The following RPTN variants were observed in gnomAD, a reference collection of about 807,000 sequenced individuals.
The protein encoded by RPTN is repetin, also known as intermediate filament-associated protein.
Under a neutral mutation model 3.6 loss-of-function variants are expected in RPTN, and 4 were observed. The observed-to-expected ratio is 1.12, with a 90% confidence interval of 0.55 to 2.55. The LOEUF is 2.55. Among genes scored for constraint, RPTN ranks in the 30% most tolerant of loss-of-function variants. RPTN has a pLI of 0.02. For synonymous variants in RPTN, 293 were observed against 319.3 expected (o/e 0.92, Z 0.88); for missense variants, 860 against 916.7 (o/e 0.94, Z 0.80).
At position 152,157,645 on chromosome 1, in the gene RPTN, T is replaced by C; in HGVS notation, c.138+107A>G. 3 of 1,195,796 alleles carry C rather than the reference T, an allele frequency of 2.5e-6. No homozygotes were observed. The South Asian group carries it at 4.2e-5, about 17-fold the overall frequency. The allele number at this position is 1,195,796 out of a possible 1,614,324, so 74.1% of individuals were successfully genotyped here. ...CTAAGGAGCTGCCTGAAATTCCTTT[T>C]CTTACAGGGCAGAGCAAGCCCAAAT... On this transcript the variant is annotated intron_variant, in intron 2 of 2. Coordinates refer to ENST00000316073, the MANE Select transcript of RPTN (RefSeq NM_001122965.1).
chr1:152,157,968 C>T, intron 1 of RPTN, 59 bp from the exon 2 acceptor site: 2 of 1,471,180 alleles, frequency 1.4e-6, no homozygotes, highest in Non-Finnish European at 1.9e-6. Flanking sequence ...GACAGCATTT[C>T]CAGAGGGAAA....
Position 152,155,834 on chromosome 1 carries a change from C to G in RPTN, c.1265G>C (p.Gly422Ala). 6.2e-7 allele frequency: 1 copy of G among 1,609,206 alleles called. No homozygotes were observed. Among genetic ancestry groups the G allele is most frequent in the East Asian group, 2.3e-5 (1 of 44,362 alleles). Residue 422 changes from glycine (G) to alanine (A), a missense_variant, in exon 3 of 3, where the codon GGC (glycine) becomes GCC (alanine). Coordinates refer to ENST00000316073, the MANE Select transcript of RPTN (RefSeq NM_001122965.1). Reference protein sequence around the residue: ...SSHYSQMDRQGQGSHYGQTDR... With the variant: ...SSHYSQMDRQAQGSHYGQTDR... ...TGTCTGACCGTAGTGAGAACCCTGGCCTTGTCGGTCCATCTGACTGTAGTG... is the reference window on the plus strand; with the variant it reads ...TGTCTGACCGTAGTGAGAACCCTGGGCTTGTCGGTCCATCTGACTGTAGTG...
rs1659141332 is a variant in RPTN at position 152,153,997 on chromosome 1, G to A, written c.*747C>T. On this transcript the variant is annotated 3_prime_UTR_variant, in exon 3 of 3. Transcript: ENST00000316073. ...GGAGCCAAAGCTCACCAAATCTAGG[G>A]TTCCTTGAGGAGTGGAGATGTAGTA... 6.6e-6 allele frequency: 1 copy of A among 152,306 alleles called. No individual in the cohort carries two copies. The highest frequency in any genetic ancestry group is 6.5e-5 in the Admixed American group (1 of 15,278). 9.4% of individuals were successfully genotyped at this position (152,306 alleles called of 1,614,324 possible). A position where few individuals can be genotyped will look rare whatever the true frequency, so the allele number is the denominator to read the frequency against.
In RPTN at chr1:152,155,523, G is replaced by C. The variant is rs1373195943; in HGVS notation, c.1576C>G (p.Pro526Ala). ...RQGQSFHYGQ[P>A]DRQGQSSHYS... is the part of the protein sequence containing the mutation. Reference sequence around the variant, plus strand: ...TGGGAACTCTGGCCTTGTCTGTCTGGCTGACCATAGTGGAAACTCTGGCCT... The same window carrying C: ...TGGGAACTCTGGCCTTGTCTGTCTGCCTGACCATAGTGGAAACTCTGGCCT... Residue 526 changes from proline to alanine, a missense_variant, in exon 3 of 3, where the codon CCA (proline) becomes GCA (alanine). Coordinates refer to ENST00000316073, the MANE Select transcript of RPTN (RefSeq NM_001122965.1). 24 of 1,500,668 alleles carry C rather than the reference G, an allele frequency of 1.6e-5. No homozygotes were observed. The South Asian group carries it at 2.7e-4, about 17-fold the overall frequency. The allele number at this position is 1,500,668 out of a possible 1,614,324, so 93.0% of individuals were successfully genotyped here.
Position 152,156,116 on chromosome 1 carries a change from C to T in RPTN, c.983G>A (p.Ser328Asn). 6 of 1,613,342 alleles carry T rather than the reference C, an allele frequency of 3.7e-6. No homozygotes were observed. Among genetic ancestry groups the T allele is most frequent in the Non-Finnish European group, 5.1e-6 (6 of 1,179,672 alleles). The change falls in exon 3 of 3, where the codon AGT (serine) becomes AAT (asparagine). Residue 328 changes from serine to asparagine, a missense_variant. By Grantham distance (46) the Ser-to-Asn change is conservative (BLOSUM62 1). Transcript: ENST00000316073. ...TCTGTCTGGCTGACTGTAGTGGGAACTCTGGCCTTGTCTGTCCGTCTGACT... is the reference window on the plus strand; with the variant it reads ...TCTGTCTGGCTGACTGTAGTGGGAATTCTGGCCTTGTCTGTCCGTCTGACT... ...HYSQTDRQGQ[S>N]SHYSQPDRQG...
In RPTN at chr1:152,155,727, C is replaced by T; in HGVS notation, c.1372G>A (p.Gly458Ser). Residue 458 changes from glycine to serine, a missense_variant, in exon 3 of 3, where the codon GGC becomes AGC. Coordinates refer to ENST00000316073, the MANE Select transcript of RPTN (RefSeq NM_001122965.1). The stretch of plus-strand genomic sequence containing the variant: ...GTCTGACCATAGTGGGAACTCTGGC[C>T]TTGTCTGTCTGTCTGACCATAGTGG... ...NSHYGQTDRQGQSSHYGQTDR... is the reference protein window; with the variant it reads ...NSHYGQTDRQSQSSHYGQTDR... 1 of 1,598,640 alleles carries T rather than the reference C, an allele frequency of 6.3e-7. No individual in the cohort carries two copies. Among genetic ancestry groups the T allele is most frequent in the East Asian group, 2.3e-5 (1 of 44,426 alleles).
In RPTN at chr1:152,154,475, G is replaced by A; in HGVS notation, c.*269C>T. 1.8e-6 allele frequency: 1 copy of A among 558,482 alleles called. No individual in the cohort carries two copies. Among genetic ancestry groups the A allele is most frequent in the Non-Finnish European group, 3.2e-6 (1 of 316,770 alleles). The allele number at this position is 558,482 out of a possible 1,614,324, so 34.6% of individuals were successfully genotyped here. A position where few individuals can be genotyped will look rare whatever the true frequency, so the allele number is the denominator to read the frequency against. Reference sequence around the variant, plus strand: ...ATAGTCATAGGGGGGGTTGGGAACAGTAGCTCCCTTGGCAGGGTGACCACG... The same window carrying A: ...ATAGTCATAGGGGGGGTTGGGAACAATAGCTCCCTTGGCAGGGTGACCACG... On this transcript the variant is annotated 3_prime_UTR_variant, in exon 3 of 3. Coordinates refer to ENST00000316073, the MANE Select transcript of RPTN (RefSeq NM_001122965.1).
intron 1 of RPTN, among the ~76,000 whole-genome samples, chr1:152,158,241 G>T (rs1659245010): frequency 6.6e-6 from 1 of 152,158 alleles, no homozygotes; most frequent in Non-Finnish European, 1.5e-5. Flanking sequence ...AGGAGGGGAG[G>T]CCAGGAAGCC....
chr1:152,156,079 A>G lies in RPTN; in HGVS notation c.1020T>C (p.Ser340=). The G allele has an allele frequency of 6.2e-7, 1 of 1,609,400 alleles. No individual in the cohort carries two copies. The highest frequency in any genetic ancestry group is 1.1e-5 in the South Asian group (1 of 90,928). Residue 340 remains serine (S), a synonymous_variant, in exon 3 of 3, where the codon AGT becomes AGC. Coordinates refer to ENST00000316073, the MANE Select transcript of RPTN (RefSeq NM_001122965.1). ...TTCTGTCCATTTGACCATAGTGGGAACTCTGACCTTGTCTGTCTGGCTGAC... is the reference window on the plus strand; with the variant it reads ...TTCTGTCCATTTGACCATAGTGGGAGCTCTGACCTTGTCTGTCTGGCTGAC... ...HYSQPDRQGQ[S]SHYGQMDRKG...
chr1:152,157,563 G>GTC lies in RPTN; in HGVS notation c.138+188_138+189insGA, dbSNP rs1659229588. Among the ~76,000 whole-genome samples the GTC allele has an allele frequency of 3.1e-5, 4 of 129,784 alleles. No individual in the cohort carries two copies. In the South Asian group the frequency reaches 9.0e-4, roughly 29 times the overall value. 85.1% of individuals were successfully genotyped at this position (129,784 alleles called of 152,430 possible). ...TTCAAATTCAGATACAAGGAGGTGT[G>GTC]TGTGTGTGTGTGTGTGTGTGTGTGT... On this transcript the variant is annotated intron_variant, in intron 2 of 2. Transcript: ENST00000316073.
Position 152,155,216 on chromosome 1 carries a change from C to T in RPTN, c.1883G>A (p.Gly628Glu). 1 of 1,614,196 alleles carries T rather than the reference C, an allele frequency of 6.2e-7. No homozygotes were observed. The highest frequency in any genetic ancestry group is 8.5e-7 in the Non-Finnish European group (1 of 1,180,030). Residue 628 changes from glycine to glutamate, a missense_variant, in exon 3 of 3, where the codon GGG becomes GAG. Physicochemically the swap from Gly to Glu is moderately conservative, Grantham distance 98 (BLOSUM62 -2). Coordinates refer to ENST00000316073, the MANE Select transcript of RPTN (RefSeq NM_001122965.1). ...RLSQQTPGQE[G>E]YQNQGQGFQS... ...GAATCCCTGTCCCTGGTTTTGGTACCCTTCCTGTCCTGGAGTCTGTTGACT... is the reference window on the plus strand; with the variant it reads ...GAATCCCTGTCCCTGGTTTTGGTACTCTTCCTGTCCTGGAGTCTGTTGACT...
chr1:152,153,913 A>G lies in RPTN; in HGVS notation c.*831T>C, dbSNP rs1424420847. 1 of 152,450 alleles carries G rather than the reference A, an allele frequency of 6.6e-6. No homozygotes were observed. Among genetic ancestry groups the G allele is most frequent in the African/African-American group, 2.4e-5 (1 of 41,438 alleles). 9.4% of individuals were successfully genotyped at this position (152,450 alleles called of 1,614,324 possible). On this transcript the variant is annotated 3_prime_UTR_variant, in exon 3 of 3. Coordinates refer to ENST00000316073, the MANE Select transcript of RPTN (RefSeq NM_001122965.1). ...GTTCTCGGCTCTTGTAGCAGCCTTG[A>G]ACTGAGTTTCATTCTAGTCTAGACT...
rs1659150843 is a variant in RPTN, at chr1:152,154,465, G to T, written c.*279C>A. The stretch of plus-strand genomic sequence containing the variant: ...GCTCTTGCACATAGTCATAGGGGGG[G>T]TTGGGAACAGTAGCTCCCTTGGCAG... On this transcript the variant is annotated 3_prime_UTR_variant, in exon 3 of 3. Coordinates refer to ENST00000316073, the MANE Select transcript of RPTN (RefSeq NM_001122965.1). The T allele has an allele frequency of 3.7e-6, 2 of 540,016 alleles. No homozygotes were observed. Among genetic ancestry groups the T allele is most frequent in the Admixed American group, 3.5e-5 (1 of 28,864 alleles). 33.5% of individuals were successfully genotyped at this position (540,016 alleles called of 1,614,324 possible). A position where few individuals can be genotyped will look rare whatever the true frequency, so the allele number is the denominator to read the frequency against.
chr1:152,154,456 A>T lies in RPTN; in HGVS notation c.*288T>A. 1 of 517,916 alleles carries T rather than the reference A, an allele frequency of 1.9e-6. No individual in the cohort carries two copies. Among genetic ancestry groups the T allele is most frequent in the Non-Finnish European group, 3.4e-6 (1 of 293,146 alleles). 32.1% of individuals were successfully genotyped at this position (517,916 alleles called of 1,614,324 possible). A position where few individuals can be genotyped will look rare whatever the true frequency, so the allele number is the denominator to read the frequency against. On this transcript the variant is annotated 3_prime_UTR_variant, in exon 3 of 3. Transcript: ENST00000316073. ...AGGATTTCTGCTCTTGCACATAGTCATAGGGGGGGTTGGGAACAGTAGCTC... is the reference window on the plus strand; with the variant it reads ...AGGATTTCTGCTCTTGCACATAGTCTTAGGGGGGGTTGGGAACAGTAGCTC...
intron 1 of RPTN, among the ~76,000 whole-genome samples, chr1:152,158,737 T>C (rs1326329577): frequency 1.3e-5 from 2 of 152,120 alleles, no homozygotes; most frequent in Non-Finnish European, 2.9e-5. Context: ...GCCAAAAGCA[T>C]ACAAACAGTG....
At position 152,155,015 on chromosome 1, in the gene RPTN, T is replaced by C. The variant is rs1485080771; in HGVS notation, c.2084A>G (p.Gln695Arg). Reference sequence around the variant, plus strand: ...GTGGCTCAGCCCCTCACCATGACTCTGCCTGGTCTGGGCCTGTCTGTGGCC... The same window carrying C: ...GTGGCTCAGCCCCTCACCATGACTCCGCCTGGTCTGGGCCTGTCTGTGGCC... ...EQGHRQAQTR[Q>R]SHGEGLSHWA... The change falls in exon 3 of 3, where the codon CAG (glutamine) becomes CGG (arginine). Residue 695 changes from glutamine (Q) to arginine (R), a missense_variant. Coordinates refer to ENST00000316073, the MANE Select transcript of RPTN (RefSeq NM_001122965.1). 6.2e-7 allele frequency: 1 copy of C among 1,613,874 alleles called. No homozygotes were observed. Among genetic ancestry groups the C allele is most frequent in the Admixed American group, 1.7e-5 (1 of 60,004 alleles).
rs779930573 is a variant in RPTN at position 152,155,011 on chromosome 1, A to C, written c.2088T>G (p.Ser696Arg). ...QGHRQAQTRQ[S>R]HGEGLSHWAE... ...CCCAGTGGCTCAGCCCCTCACCATG[A>C]CTCTGCCTGGTCTGGGCCTGTCTGT... The change falls in exon 3 of 3, where the codon AGT becomes AGG. Residue 696 changes from serine to arginine, a missense_variant. Coordinates refer to ENST00000316073, the MANE Select transcript of RPTN (RefSeq NM_001122965.1). 6.2e-7 allele frequency: 1 copy of C among 1,612,894 alleles called. No homozygotes were observed. Among genetic ancestry groups the C allele is most frequent in the Non-Finnish European group, 8.5e-7 (1 of 1,179,614 alleles).
rs1377411593 is a variant in RPTN at position 152,155,149 on chromosome 1, C to A, written c.1950G>T (p.Glu650Asp). ...DSQQNGHQVW[E>D]PEEDSQHHQH... ...GGTGATGTTGGCTATCCTCTTCAGGCTCCCATACCTGGTGGCCGTTCTGCT... is the reference window on the plus strand; with the variant it reads ...GGTGATGTTGGCTATCCTCTTCAGGATCCCATACCTGGTGGCCGTTCTGCT... The change falls in exon 3 of 3, where the codon GAG (glutamate) becomes GAT (aspartate). Residue 650 changes from glutamate to aspartate, a missense_variant. By Grantham distance (45) the Glu-to-Asp change is conservative. Coordinates refer to ENST00000316073, the MANE Select transcript of RPTN (RefSeq NM_001122965.1). 1 of 1,614,102 alleles carries A rather than the reference C, an allele frequency of 6.2e-7. No individual in the cohort carries two copies. Among genetic ancestry groups the A allele is most frequent in the Non-Finnish European group, 8.5e-7 (1 of 1,180,046 alleles).
rs1385585252 is a variant in RPTN, at chr1:152,154,474, A to G, written c.*270T>C. 12 of 555,444 alleles carry G rather than the reference A, an allele frequency of 2.2e-5. No homozygotes were observed. The highest frequency in any genetic ancestry group is 3.8e-5 in the Non-Finnish European group (12 of 315,042). 34.4% of individuals were successfully genotyped at this position (555,444 alleles called of 1,614,324 possible). On this transcript the variant is annotated 3_prime_UTR_variant, in exon 3 of 3. Transcript: ENST00000316073. ...CATAGTCATAGGGGGGGTTGGGAAC[A>G]GTAGCTCCCTTGGCAGGGTGACCAC... is the stretch of plus-strand genomic sequence containing the variant.
Sources: allele counts gnomAD v4.1 joint callset (sites outside exome capture counted in the v4.1 genomes callset), GRCh38; gene constraint gnomAD v4.1.1; transcripts MANE v1.5; gene names NCBI Gene and HGNC (gene_info 2026-07-23, HGNC 2026-07-21).